Variants in INHBA observed in about 807,000 individuals in gnomAD.
The protein encoded by INHBA is inhibin beta A chain.
In INHBA, 1 loss-of-function variant was observed where a neutral mutation model predicts 29.0. That is an observed-to-expected ratio of 0.03 (90% CI 0.01 to 0.16). The LOEUF is 0.16. Ranked by LOEUF, INHBA falls within the 10% of genes least tolerant of loss-of-function variation. The probability of loss-of-function intolerance (pLI) is 1.00; values close to 1 mark genes in which losing one functional copy is unlikely to be tolerated. For synonymous variants in INHBA, 242 were observed against 216.8 expected, an observed-to-expected ratio of 1.12 and a Z score of -1.02; for missense variants, 376 against 545.4, an observed-to-expected ratio of 0.69 and a Z score of 3.09.
At chr7:41,694,879 G>A (rs746793200) in intron 2 of INHBA, among the ~76,000 whole-genome samples, 6 of 152,210 alleles carry the variant, frequency 3.9e-5, no homozygotes, top group African/African-American at 1.2e-4. Context: ...AATGCTGCTG[G>A]GTGGGAAGGA....
At chr7:41,694,734 G>A (rs556372729) in intron 2 of INHBA, among the ~76,000 whole-genome samples, 2 of 152,198 alleles carry the variant, frequency 1.3e-5, no homozygotes, top group South Asian at 2.1e-4. Context: ...AAAGTCCCAC[G>A]CAAACCCATG....
intron 2 of INHBA, among the ~76,000 whole-genome samples, chr7:41,699,615 C>G (rs887675726): frequency 1.3e-5 from 2 of 152,078 alleles, no homozygotes; most frequent in Non-Finnish European, 1.5e-5. Context: ...CCCTAGCACC[C>G]GAAAATGCCG....
upstream of INHBA, among the ~76,000 whole-genome samples, chr7:41,704,611 AGTGTGTGTGTGTGTGT>A (rs60031309): frequency 8.0e-3 from 808 of 101,184 alleles, 14 homozygotes; most frequent in East Asian, 0.023. Context: ...CACACAAAGT[AGTGTGTGTGTGTGTGT>A]GTGTGTGTGT....
upstream of INHBA, among the ~76,000 whole-genome samples, chr7:41,703,503 G>C (rs1487247541): frequency 6.6e-6 from 1 of 151,958 alleles, no homozygotes; most frequent in Non-Finnish European, 1.5e-5. Context: ...TTTCTTTCAG[G>C]AAAGAAAATT....
Position 41,700,064 on chromosome 7 carries a change from T to G in INHBA, c.311A>C (p.Glu104Ala). Residue 104 changes from glutamate (E) to alanine (A), a missense_variant, in exon 2 of 3, where the codon GAG becomes GCG. Coordinates refer to ENST00000242208, the MANE Select transcript of INHBA (RefSeq NM_002192.4). ...TTCTGCCCTCCTTCCAATGTCATCC[T>G]CTATCTCCACATACCCGTTCTCCCC... ...KVGENGYVEI[E>A]DDIGRRAEMN... is the part of the protein sequence containing the mutation. 1 of 1,612,384 alleles carries G rather than the reference T, an allele frequency of 6.2e-7. No individual in the cohort carries two copies. The highest frequency in any genetic ancestry group is 8.5e-7 in the Non-Finnish European group (1 of 1,179,532).
upstream of INHBA, among the ~76,000 whole-genome samples, chr7:41,704,664 C>T (rs1185593720): frequency 8.0e-5 from 8 of 99,420 alleles, no homozygotes; most frequent in South Asian, 3.7e-4. Context: ...GTGTAGGTGA[C>T]GTGGGGTGGG....
upstream of INHBA, among the ~76,000 whole-genome samples, chr7:41,704,949 C>T (rs1794881215): frequency 6.6e-6 from 1 of 152,136 alleles, no homozygotes; most frequent in South Asian, 2.1e-4. Context: ...CTGATGCCAC[C>T]GAGTGCCCAC....
intron 2 of INHBA, 25 bp from the exon 3 acceptor site, chr7:41,690,567 G>C (rs755880274): frequency 1.3e-5 from 20 of 1,545,018 alleles, no homozygotes; most frequent in Admixed American, 8.0e-5. Flanking sequence ...CAGCATAAGA[G>C]AAAACAGGCA....
In INHBA at chr7:41,689,504, T is replaced by A. The variant is rs1583590438; in HGVS notation, c.*146A>T. 2.6e-6 allele frequency: 2 copies of A among 762,904 alleles called. No individual in the cohort carries two copies. Among genetic ancestry groups the A allele is most frequent in the East Asian group, 6.2e-5 (2 of 32,316 alleles). The allele number at this position is 762,904 out of a possible 1,614,324, so 47.3% of individuals were successfully genotyped here. ...CTGTTTCATCAGGTTTTGTTTTTAA[T>A]TTACTTTTGTTTTTTTTTGTTTTTT... On this transcript the variant is annotated 3_prime_UTR_variant, in exon 3 of 3. Coordinates refer to ENST00000242208, the MANE Select transcript of INHBA (RefSeq NM_002192.4).
chr7:41,690,254 C>T lies in INHBA; in HGVS notation c.677G>A (p.Ser226Asn). The change falls in exon 3 of 3, where the codon AGC (serine) becomes AAC (asparagine). Residue 226 changes from serine (S) to asparagine (N), a missense_variant. Physicochemically the swap from Ser to Asn is conservative, Grantham distance 46. This residue lies in a region of INHBA where 253 missense variants were observed against 313.4 expected (regional missense o/e 0.81). Coordinates refer to ENST00000242208, the MANE Select transcript of INHBA (RefSeq NM_002192.4). ...STWHVFPVSS[S>N]IQRLLDQGKS... ...GCCCTGGTCCAGCAACCGCTGGATGCTGCTGGAGACAGGGAAGACATGCCA... is the reference window on the plus strand; with the variant it reads ...GCCCTGGTCCAGCAACCGCTGGATGTTGCTGGAGACAGGGAAGACATGCCA... 1 of 1,614,096 alleles carries T rather than the reference C, an allele frequency of 6.2e-7. No individual in the cohort carries two copies.
rs1794378841 is a variant in INHBA at position 41,685,539 on chromosome 7, A to C, written c.*4111T>G. 6.6e-6 allele frequency: 1 copy of C among 152,136 alleles called. No homozygotes were observed. The highest frequency in any genetic ancestry group is 2.4e-5 in the African/African-American group (1 of 41,458). The allele number at this position is 152,136 out of a possible 1,614,324, so 9.4% of individuals were successfully genotyped here. A position where few individuals can be genotyped will look rare whatever the true frequency, so the allele number is the denominator to read the frequency against. On this transcript the variant is annotated 3_prime_UTR_variant, in exon 3 of 3. Transcript: ENST00000242208. ...AAACAACATCAACCACAGAACATAA[A>C]AAGTTTTAAAATAAAACAGGCTTCA...
At chr7:41,695,022 G>A (rs899807315) in intron 2 of INHBA, among the ~76,000 whole-genome samples, 4 of 152,142 alleles carry the variant, frequency 2.6e-5, no homozygotes, top group Non-Finnish European at 5.9e-5. Flanking sequence ...CAAGGGTTAA[G>A]CAACTAAGCC....
In INHBA at chr7:41,689,899, G is replaced by A. The variant is rs147124964; in HGVS notation, c.1032C>T (p.Gly344=). The A allele has an allele frequency of 8.8e-4, 1,426 of 1,614,022 alleles. 1 individual carries two copies. The highest frequency in any genetic ancestry group is 1.1e-3 in the Non-Finnish European group (1,320 of 1,180,034). ...CACCCTCGCAGTAGTTGGCATGATAGCCAGAGGGAGCAATGATCCAGTCAT... is the reference window on the plus strand; with the variant it reads ...CACCCTCGCAGTAGTTGGCATGATAACCAGAGGGAGCAATGATCCAGTCAT... The part of the protein sequence containing the change: ...GWNDWIIAPS[G]YHANYCEGEC... Residue 344 remains glycine (G), a synonymous_variant, in exon 3 of 3, where the codon GGC becomes GGT. Coordinates refer to ENST00000242208, the MANE Select transcript of INHBA (RefSeq NM_002192.4).
In INHBA at chr7:41,700,003, G is replaced by A. The variant is rs1794740375; in HGVS notation, c.372C>T (p.Ile124=). ...AGCACCAACCTGACTCGGCAAACGT[G>A]ATGATCTCCGAGGTCTGCTCCATAA... is the stretch of plus-strand genomic sequence containing the variant. ...NELMEQTSEI[I]TFAESGTARK... The change falls in exon 2 of 3, where the codon ATC becomes ATT. Residue 124 remains isoleucine (I), a synonymous_variant. Transcript: ENST00000242208. 1 of 1,561,994 alleles carries A rather than the reference G, an allele frequency of 6.4e-7. No homozygotes were observed. The highest frequency in any genetic ancestry group is 1.1e-5 in the South Asian group (1 of 87,968).
In INHBA at chr7:41,700,013, G is replaced by C; in HGVS notation, c.362C>G (p.Ser121Trp). ...AEMNELMEQT[S>W]EIITFAESGT... ...TGACTCGGCAAACGTGATGATCTCC[G>C]AGGTCTGCTCCATAAGTTCATTCAT... Residue 121 changes from serine (S) to tryptophan (W), a missense_variant, in exon 2 of 3, where the codon TCG becomes TGG. Ser to Trp is a radical substitution (Grantham distance 177). Transcript: ENST00000242208. The C allele has an allele frequency of 1.3e-6, 2 of 1,583,692 alleles. No homozygotes were observed. The highest frequency in any genetic ancestry group is 1.7e-6 in the Non-Finnish European group (2 of 1,172,562).
rs1029645461 is a variant in INHBA at position 41,687,994 on chromosome 7, A to T, written c.*1656T>A. The T allele has an allele frequency of 2.6e-5, 4 of 152,222 alleles. No homozygotes were observed. The highest frequency in any genetic ancestry group is 2.6e-4 in the Admixed American group (4 of 15,278). The allele number at this position is 152,222 out of a possible 1,614,324, so 9.4% of individuals were successfully genotyped here. ...AGAGGAGGAAATTTGATCCCTGTAC[A>T]ATGAAAGAGGGCCTTGCTGAATATT... On this transcript the variant is annotated 3_prime_UTR_variant, in exon 3 of 3. Coordinates refer to ENST00000242208, the MANE Select transcript of INHBA (RefSeq NM_002192.4).
At chr7:41,703,396 G>T (rs562285680), upstream of INHBA, among the ~76,000 whole-genome samples, 1 of 151,912 alleles carries the variant, frequency 6.6e-6, no homozygotes, top group African/African-American at 2.4e-5. Context: ...TTTACTACTC[G>T]CACACACGTC....
intron 1 of INHBA, among the ~76,000 whole-genome samples, chr7:41,701,008 A>C (rs1030370695): frequency 2.0e-5 from 3 of 152,114 alleles, no homozygotes; most frequent in Non-Finnish European, 4.4e-5. Context: ...GCTTCCTCAC[A>C]GACACCTCTC....
At chr7:41,695,810 C>T (rs1246557455) in intron 2 of INHBA, among the ~76,000 whole-genome samples, 21 of 152,126 alleles carry the variant, frequency 1.4e-4, no homozygotes, top group African/African-American at 4.8e-4. Context: ...TCATTTTGGA[C>T]TTAGGAACCA....
Sources: allele counts gnomAD v4.1 joint callset (sites outside exome capture counted in the v4.1 genomes callset), GRCh38; gene constraint gnomAD v4.1.1; regional missense constraint gnomAD v4.1.1; transcripts MANE v1.5; gene names NCBI Gene and HGNC (gene_info 2026-07-23, HGNC 2026-07-21).